The following SUPT3H variants were observed in gnomAD, a reference collection of about 807,000 sequenced individuals.
SUPT3H encodes SPT3 homolog, SAGA and STAGA complex component.
SUPT3H carries 44 observed loss-of-function variants against 44.3 expected under a neutral mutation model. The ratio of observed to expected loss-of-function variants is 0.99; its 90% CI spans 0.78 to 1.28. The LOEUF is 1.28. Among genes scored for constraint, SUPT3H ranks in the 50% most tolerant of loss-of-function variants. SUPT3H has a pLI of 0.00. For missense variants in SUPT3H, 380 were observed against 387.1 expected (o/e 0.98, Z 0.15); for synonymous variants, 124 against 125.6 (o/e 0.99, Z 0.09).
intron 4 of SUPT3H, among the ~76,000 whole-genome samples, chr6:45,016,887 T>A (rs1270483694): frequency 4.6e-5 from 7 of 151,936 alleles, no homozygotes; most frequent in South Asian, 2.1e-4. Context: ...TCAAATGGTA[T>A]TTCTAGTTCT....
At chr6:45,166,035 G>A (rs1469227492) in intron 2 of SUPT3H, among the ~76,000 whole-genome samples, 1 of 152,214 alleles carries the variant, frequency 6.6e-6, no homozygotes, top group Non-Finnish European at 1.5e-5. Flanking sequence ...GCTCACGCCT[G>A]CAATCCTAGC....
chr6:44,997,871 T>G (rs1040729723), intron 6 of SUPT3H, among the ~76,000 whole-genome samples: 1 of 151,882 alleles, frequency 6.6e-6, no homozygotes, highest in Non-Finnish European at 1.5e-5. Context: ...TCATATCTCT[T>G]TTTATTACCA....
chr6:45,002,189 C>T (rs944251784), intron 6 of SUPT3H, among the ~76,000 whole-genome samples: 21 of 152,116 alleles, frequency 1.4e-4, no homozygotes, highest in African/African-American at 5.1e-4. Flanking sequence ...GTACAGACTG[C>T]ATAAGTACCC....
intron 6 of SUPT3H, among the ~76,000 whole-genome samples, chr6:44,996,089 A>G (rs1298588809): frequency 6.6e-6 from 1 of 151,858 alleles, no homozygotes; most frequent in Non-Finnish European, 1.5e-5. Flanking sequence ...CCTGATATCT[A>G]AAGAGAAATT....
At position 45,368,863 on chromosome 6, in the gene SUPT3H, G is replaced by A. The variant is rs1485200612; in HGVS notation, c.1-3562C>T. ...TTTTTATTTTCATAAAATTCCAAAG[G>A]CAGGAAACAATTATGGTTAAGCCAA... On this transcript the variant is annotated intron_variant, in intron 1 of 10. Transcript: ENST00000371459. 4.6e-5 allele frequency among the ~76,000 whole-genome samples: 7 copies of A among 151,596 alleles called. No individual in the cohort carries two copies. In the East Asian group the frequency reaches 1.4e-3, roughly 29 times the overall value.
chr6:45,305,291 T>G (rs1237067775), intron 2 of SUPT3H, among the ~76,000 whole-genome samples: 1 of 152,198 alleles, frequency 6.6e-6, no homozygotes, highest in Non-Finnish European at 1.5e-5. Context: ...TCATACCAAC[T>G]CCAATATAAC....
chr6:44,946,962 C>T (rs1582678070), intron 9 of SUPT3H, among the ~76,000 whole-genome samples: 1 of 152,082 alleles, frequency 6.6e-6, no homozygotes, highest in Non-Finnish European at 1.5e-5. Flanking sequence ...TAAGATATTG[C>T]CACAGCTACC....
At chr6:45,368,592 C>T (rs1028824274) in intron 1 of SUPT3H, among the ~76,000 whole-genome samples, 2 of 152,024 alleles carry the variant, frequency 1.3e-5, no homozygotes, top group Non-Finnish European at 2.9e-5. Context: ...CTTAAAAGAC[C>T]TCAAATTGTT....
chr6:44,949,991 T>C (rs542226519), intron 9 of SUPT3H, among the ~76,000 whole-genome samples: 1 of 152,244 alleles, frequency 6.6e-6, no homozygotes. Context: ...GTAATATTCA[T>C]AGCAGGTTTA....
intron 3 of SUPT3H, among the ~76,000 whole-genome samples, chr6:45,063,289 T>A (rs895359725): frequency 2.7e-5 from 4 of 148,338 alleles, no homozygotes; most frequent in African/African-American, 1.0e-4. Flanking sequence ...AGAAAGGACA[T>A]CCACACCGAA....
intron 11 of SUPT3H, among the ~76,000 whole-genome samples, chr6:44,818,286 T>C (rs564784595): frequency 6.6e-6 from 1 of 152,122 alleles, no homozygotes; most frequent in Admixed American, 6.5e-5. Context: ...GAACCTCAAC[T>C]CTTATCTTGT....
intron 2 of SUPT3H, among the ~76,000 whole-genome samples, chr6:45,177,466 G>C (rs1049815817): frequency 6.6e-6 from 1 of 152,150 alleles, no homozygotes; most frequent in East Asian, 1.9e-4. Context: ...AAGTGACGGG[G>C]AGAATGGAAC....
At chr6:45,191,607 A>G (rs1004941902) in intron 2 of SUPT3H, among the ~76,000 whole-genome samples, 1 of 152,104 alleles carries the variant, frequency 6.6e-6, no homozygotes. Context: ...ATATAATTGA[A>G]ACTGTAGGGA....
At chr6:44,953,225 A>G in intron 9 of SUPT3H, 85 bp downstream of exon 9, 1 of 1,024,328 alleles carries the variant, frequency 9.8e-7, no homozygotes, top group South Asian at 1.4e-5. Context: ...CTCCTGCATA[A>G]TCTTTATTAA....
chr6:45,221,958 C>T (rs774341347), intron 2 of SUPT3H, among the ~76,000 whole-genome samples: 7 of 152,032 alleles, frequency 4.6e-5, no homozygotes, highest in East Asian at 3.9e-4. Context: ...GAATACAGAA[C>T]GCAGAAATGG....
chr6:44,974,237 A>T (rs1180755855), intron 6 of SUPT3H, among the ~76,000 whole-genome samples: 1 of 152,036 alleles, frequency 6.6e-6, no homozygotes, highest in East Asian at 1.9e-4. Flanking sequence ...ATATATTCAT[A>T]TATACATGTT....
chr6:45,333,029 C>A (rs965867684), intron 2 of SUPT3H, among the ~76,000 whole-genome samples: 1 of 151,658 alleles, frequency 6.6e-6, no homozygotes, highest in African/African-American at 2.4e-5. Context: ...AACTCCAATA[C>A]TTGGTATTTT....
chr6:44,930,958 A>G (rs1378522407), intron 10 of SUPT3H, among the ~76,000 whole-genome samples: 4 of 152,352 alleles, frequency 2.6e-5, no homozygotes, highest in African/African-American at 9.6e-5. Context: ...TAAAAGTAGT[A>G]ATACATAAGT....
Position 45,076,944 on chromosome 6 carries a change from G to A in SUPT3H, c.186+28978C>T, listed in dbSNP as rs116522213. On this transcript the variant is annotated intron_variant, in intron 3 of 10. Coordinates refer to ENST00000371459, the MANE Select transcript of SUPT3H (RefSeq NM_003599.4). ...ATGGCTCTAAATTTCTACCGAATAT[G>A]GTTTGGTAGTTTTTTAATCTCCCTT... 4.1e-3 allele frequency among the ~76,000 whole-genome samples: 617 copies of A among 152,220 alleles called. 2 individuals carry two copies. The highest frequency in any genetic ancestry group is 5.3e-3 in the Admixed American group (81 of 15,276).
Sources: gnomAD v4.1 joint callset for allele counts (sites outside exome capture counted in the v4.1 genomes callset) on GRCh38, gnomAD v4.1.1 for gene constraint, MANE v1.5 for transcripts, NCBI Gene and HGNC (gene_info 2026-07-23, HGNC 2026-07-21) for gene names.